AVL9: variants seen among roughly 807,000 people sequenced by gnomAD.
AVL9 encodes AVL9 cell migration associated, also known as late secretory pathway protein AVL9 homolog.
A neutral mutation model predicts 79.2 loss-of-function variants in AVL9; 49 were observed. That is an observed-to-expected ratio of 0.62 (90% CI 0.49 to 0.79). AVL9 has a LOEUF of 0.79. AVL9 is among the 30% of genes least tolerant of loss of function. The pLI, the probability that AVL9 is intolerant of heterozygous loss-of-function variation, is 0.00. For missense variants in AVL9, 682 were observed against 776.8 expected, an observed-to-expected ratio of 0.88 and a Z score of 1.45; for synonymous variants, 299 against 280.6, an observed-to-expected ratio of 1.07 and a Z score of -0.65.
chr7:32,566,530 A>T (rs74327782), intron 10 of AVL9, among the ~76,000 whole-genome samples: 151,585 of 151,586 alleles, frequency 1, 75,792 homozygotes, highest in Non-Finnish European at 1. Context: ...AAAATAAAAT[A>T]GTATATAAAT....
chr7:32,587,493 T>G lies in AVL9; in HGVS notation c.*3586T>G, dbSNP rs1194165586. 6.6e-6 allele frequency: 1 copy of G among 152,272 alleles called. No individual in the cohort carries two copies. Among genetic ancestry groups the G allele is most frequent in the Non-Finnish European group, 1.5e-5 (1 of 68,060 alleles). The allele number at this position is 152,272 out of a possible 1,614,324, so 9.4% of individuals were successfully genotyped here. On this transcript the variant is annotated 3_prime_UTR_variant, in exon 16 of 16. Coordinates refer to ENST00000318709, the MANE Select transcript of AVL9 (RefSeq NM_015060.3). ...ACTTCAGCTCTGTAAGGGGCCAGCG[T>G]TCTGACCTTTAACCACATGAACTAA...
At chr7:32,501,799 A>G (rs1787139158) in intron 1 of AVL9, among the ~76,000 whole-genome samples, 1 of 152,174 alleles carries the variant, frequency 6.6e-6, no homozygotes. Context: ...TGTCATTGAT[A>G]TGATTCAGAT....
chr7:32,542,184 CT>C (rs113254142), intron 1 of AVL9, among the ~76,000 whole-genome samples: 47,297 of 138,026 alleles, frequency 0.34, 8,130 homozygotes, highest in East Asian at 0.48. Flanking sequence ...TTTTACAGTC[CT>C]TTTTTTTTTT....
intron 12 of AVL9, 86 bp from the exon 13 acceptor site, chr7:32,575,869 C>T: frequency 3.4e-6 from 3 of 889,338 alleles, no homozygotes; most frequent in East Asian, 2.5e-5. Context: ...GGGATAAAGT[C>T]GTTCCTTTAC....
chr7:32,533,490 T>G (rs1309299323), intron 1 of AVL9: 1 of 152,212 alleles, frequency 6.6e-6, no homozygotes, highest in Non-Finnish European at 1.5e-5. Flanking sequence ...TACAGTGATT[T>G]GTTGCCAACT....
intron 1 of AVL9, chr7:32,538,067 C>T (rs930816826): frequency 1.3e-5 from 2 of 152,200 alleles, no homozygotes; most frequent in Non-Finnish European, 1.5e-5. Flanking sequence ...CTATTTATGA[C>T]AGTTTTGAGT....
chr7:32,579,278 T>TTA (rs5883360), intron 13 of AVL9, among the ~76,000 whole-genome samples: 53,266 of 105,662 alleles, frequency 0.5, 14,611 homozygotes, highest in East Asian at 0.65. Context: ...ATGCCTGATT[T>TTA]TATATATATA....
intron 1 of AVL9, among the ~76,000 whole-genome samples, chr7:32,500,531 G>A (rs1437442852): frequency 6.6e-6 from 1 of 151,836 alleles, no homozygotes; most frequent in Non-Finnish European, 1.5e-5. Context: ...CATTCCATAG[G>A]TTGCCTGTTC....
intron 4 of AVL9, among the ~76,000 whole-genome samples, chr7:32,549,277 T>C (rs1789691672): frequency 6.7e-6 from 1 of 150,036 alleles, no homozygotes; most frequent in African/African-American, 2.5e-5. Flanking sequence ...CAGGCTGGAG[T>C]GTGGTGGCGT....
chr7:32,511,202 T>A (rs1454804275), intron 1 of AVL9, among the ~76,000 whole-genome samples: 1 of 146,176 alleles, frequency 6.8e-6, no homozygotes, highest in Non-Finnish European at 1.5e-5. Context: ...GGAAGCCATC[T>A]CTCCAGGGTG....
intron 10 of AVL9, among the ~76,000 whole-genome samples, chr7:32,560,221 A>G (rs1465422817): frequency 6.7e-6 from 1 of 148,586 alleles, no homozygotes; most frequent in African/African-American, 2.5e-5. Flanking sequence ...TATTTTTTAA[A>G]TAATAAATGT....
intron 1 of AVL9, among the ~76,000 whole-genome samples, chr7:32,531,208 C>T (rs1788631827): frequency 6.6e-6 from 1 of 152,062 alleles, no homozygotes; most frequent in Non-Finnish European, 1.5e-5. Context: ...GGCTACTTGG[C>T]CTCAGTCTAG....
chr7:32,526,917 C>T (rs748910380), intron 1 of AVL9, among the ~76,000 whole-genome samples: 4 of 152,240 alleles, frequency 2.6e-5, no homozygotes, highest in East Asian at 3.9e-4. Flanking sequence ...CTCCCCACTG[C>T]GGCACAAATT....
intron 1 of AVL9, among the ~76,000 whole-genome samples, chr7:32,506,242 A>G (rs1176163611): frequency 1.3e-5 from 2 of 152,198 alleles, no homozygotes; most frequent in African/African-American, 2.4e-5. Context: ...TTTAGAAATC[A>G]GTCATAAGAG....
intron 3 of AVL9, among the ~76,000 whole-genome samples, chr7:32,547,100 G>A (rs2128135971): frequency 6.6e-6 from 1 of 152,292 alleles, no homozygotes; most frequent in South Asian, 2.1e-4. Context: ...GGAAGAAGAG[G>A]AAGTTGGTAT....
chr7:32,580,905 T>TA lies in AVL9; in HGVS notation c.1831+16dup. On this transcript the variant is annotated intron_variant, in intron 15 of 15. Coordinates refer to ENST00000318709, the MANE Select transcript of AVL9 (RefSeq NM_015060.3). Reference sequence around the variant, plus strand: ...AAAAGCTGTTGGTAAGACATGCCTTTAGCCAGGAACAAATTGGAATCACAA... The same window carrying TA: ...AAAAGCTGTTGGTAAGACATGCCTTTAAGCCAGGAACAAATTGGAATCACAA... 6.2e-7 allele frequency: 1 copy of TA among 1,601,264 alleles called. No individual in the cohort carries two copies. Among genetic ancestry groups the TA allele is most frequent in the Non-Finnish European group, 8.6e-7 (1 of 1,169,344 alleles).
In AVL9 at chr7:32,586,468, C is replaced by CACA. The variant is rs1554350176; in HGVS notation, c.*2561_*2562insACA. The CACA allele has an allele frequency of 0.027, 1,248 of 45,640 alleles. 15 individuals carry two copies. Among genetic ancestry groups the CACA allele is most frequent in the Admixed American group, 0.039 (147 of 3,796 alleles). The allele number at this position is 45,640 out of a possible 1,614,324, so 2.8% of individuals were successfully genotyped here. A position where few individuals can be genotyped will look rare whatever the true frequency, so the allele number is the denominator to read the frequency against. ...CTCACCCCTGGTCCTGTGACCCCCC[C>CACA]CCCCCACACACACACATACTTCAGG... is the stretch of plus-strand genomic sequence containing the variant. On this transcript the variant is annotated 3_prime_UTR_variant, in exon 16 of 16. Coordinates refer to ENST00000318709, the MANE Select transcript of AVL9 (RefSeq NM_015060.3).
At chr7:32,533,699 T>A (rs1788769484) in intron 1 of AVL9, 2 of 152,228 alleles carry the variant, frequency 1.3e-5, no homozygotes, top group Non-Finnish European at 1.5e-5. Flanking sequence ...ATAAATACTT[T>A]GTGCTTCTGA....
intron 1 of AVL9, among the ~76,000 whole-genome samples, chr7:32,501,060 G>A (rs1425704094): frequency 6.6e-6 from 1 of 152,204 alleles, no homozygotes; most frequent in African/African-American, 2.4e-5. Flanking sequence ...GAAAATGGCA[G>A]ATTTTCCTGT....
Sources: allele counts gnomAD v4.1 joint callset (sites outside exome capture counted in the v4.1 genomes callset), GRCh38; gene constraint gnomAD v4.1.1; transcripts MANE v1.5; gene names NCBI Gene and HGNC (gene_info 2026-07-23, HGNC 2026-07-21).